Variants in PPFIA2 observed in about 807,000 individuals in gnomAD.
PPFIA2 encodes the protein liprin-alpha-2.
PPFIA2 carries 46 observed loss-of-function variants against 175.5 expected under a neutral mutation model. The observed-to-expected ratio is 0.26, with a 90% CI of 0.21 to 0.34. PPFIA2 has a LOEUF of 0.34. Ranked by LOEUF, PPFIA2 falls within the 10% of genes least tolerant of loss-of-function variation. PPFIA2 has a pLI of 1.00. For missense variants in PPFIA2, 1,179 were observed against 1,506.1 expected (o/e 0.78, Z 3.60); for synonymous variants, 568 against 511.4 (o/e 1.11, Z -1.49).
At chr12:81,557,592 G>A (rs1340291409) in intron 4 of PPFIA2, among the ~76,000 whole-genome samples, 1 of 151,996 alleles carries the variant, frequency 6.6e-6, no homozygotes, top group Non-Finnish European at 1.5e-5. Context: ...CATCATTAAA[G>A]CTATCAATTG....
chr12:81,590,777 A>G (rs1468281747), intron 4 of PPFIA2, among the ~76,000 whole-genome samples: 1 of 152,164 alleles, frequency 6.6e-6, no homozygotes, highest in Non-Finnish European at 1.5e-5. Context: ...TGCCTCCGCC[A>G]TGACTGTAAG....
chr12:81,627,565 C>T (rs1158566116), intron 4 of PPFIA2, among the ~76,000 whole-genome samples: 1 of 152,084 alleles, frequency 6.6e-6, no homozygotes, highest in Non-Finnish European at 1.5e-5. Context: ...TGGGATATAT[C>T]TATTACATAA....
chr12:81,653,089 G>T (rs1207999553), intron 4 of PPFIA2, among the ~76,000 whole-genome samples: 1 of 152,046 alleles, frequency 6.6e-6, no homozygotes, highest in Non-Finnish European at 1.5e-5. Flanking sequence ...CTGAACTCCT[G>T]TATTAGCCTA....
At chr12:81,598,309 A>C (rs1171282216) in intron 4 of PPFIA2, 3 of 1,179,752 alleles carry the variant, frequency 2.5e-6, no homozygotes, top group Non-Finnish European at 3.2e-6. Flanking sequence ...AAAAAGCAAG[A>C]ACCAACGATA....
intron 3 of PPFIA2, among the ~76,000 whole-genome samples, chr12:81,736,762 T>A (rs577282650): frequency 1.3e-5 from 2 of 152,188 alleles, no homozygotes; most frequent in African/African-American, 4.8e-5. Context: ...TCTTTGTTTT[T>A]TAGACAAAGT....
intron 4 of PPFIA2, among the ~76,000 whole-genome samples, chr12:81,566,530 CAAAA>C (rs3075452): frequency 5.8e-5 from 4 of 68,456 alleles, no homozygotes; most frequent in Admixed American, 4.0e-4. Context: ...GACTCCAACT[CAAAA>C]AAAAAAAAAA....
intron 4 of PPFIA2, among the ~76,000 whole-genome samples, chr12:81,504,474 C>A (rs1210118297): frequency 6.6e-6 from 1 of 152,032 alleles, no homozygotes; most frequent in Non-Finnish European, 1.5e-5. Context: ...GAATGGCGAT[C>A]ATTAAAAAGT....
At chr12:81,611,900 T>C (rs962674543) in intron 4 of PPFIA2, among the ~76,000 whole-genome samples, 10 of 151,920 alleles carry the variant, frequency 6.6e-5, no homozygotes, top group Non-Finnish European at 1.3e-4. Flanking sequence ...TTCCCAGAGG[T>C]CCATGGGGAG....
intron 24 of PPFIA2, among the ~76,000 whole-genome samples, chr12:81,291,611 A>T (rs573649356): frequency 2.0e-5 from 3 of 152,110 alleles, no homozygotes; most frequent in African/African-American, 7.2e-5. Context: ...GTTGATGGAA[A>T]CCTGATGCTA....
chr12:81,401,106 T>C (rs17736993), intron 8 of PPFIA2, among the ~76,000 whole-genome samples: 13,133 of 152,150 alleles, frequency 0.086, 820 homozygotes, highest in Middle Eastern at 0.16. Context: ...CCCTTGATCA[T>C]ATCTATGCCC....
At chr12:81,640,868 GT>G (rs893628655) in intron 4 of PPFIA2, among the ~76,000 whole-genome samples, 21 of 150,594 alleles carry the variant, frequency 1.4e-4, no homozygotes, top group African/African-American at 4.4e-4. Flanking sequence ...ATCATTTACA[GT>G]TTTTTTTTGC....
chr12:81,473,593 G>A (rs994040042), intron 4 of PPFIA2, among the ~76,000 whole-genome samples: 8 of 152,100 alleles, frequency 5.3e-5, no homozygotes, highest in East Asian at 3.9e-4. Context: ...TGAAGCAGCC[G>A]CATAATATTC....
chr12:81,532,382 C>T (rs2064706503), intron 4 of PPFIA2, among the ~76,000 whole-genome samples: 1 of 151,680 alleles, frequency 6.6e-6, no homozygotes, highest in Admixed American at 6.6e-5. Context: ...ACTATCAGAG[C>T]AGCTCAGCTC....
At chr12:81,291,715 A>G (rs2045070768) in intron 24 of PPFIA2, among the ~76,000 whole-genome samples, 1 of 152,022 alleles carries the variant, frequency 6.6e-6, no homozygotes, top group African/African-American at 2.4e-5. Context: ...GAAGGAAACC[A>G]AACCCAGGCT....
At chr12:81,569,006 A>G (rs1423304759) in intron 4 of PPFIA2, among the ~76,000 whole-genome samples, 1 of 152,172 alleles carries the variant, frequency 6.6e-6, no homozygotes, top group Non-Finnish European at 1.5e-5. Context: ...AATATATTAG[A>G]TATTGTTCTA....
chr12:81,588,600 A>G (rs1882530), intron 4 of PPFIA2, among the ~76,000 whole-genome samples: 14,329 of 152,050 alleles, frequency 0.094, 849 homozygotes, highest in South Asian at 0.16. Flanking sequence ...CTCCTTCTCC[A>G]TATTCATCTC....
chr12:81,559,765 T>C (rs116868155), intron 4 of PPFIA2, among the ~76,000 whole-genome samples: 14,299 of 151,900 alleles, frequency 0.094, 939 homozygotes, highest in Middle Eastern at 0.13. Context: ...ACATTTCATT[T>C]ATTTTTCTTA....
intron 22 of PPFIA2, among the ~76,000 whole-genome samples, chr12:81,321,634 C>T (rs2139623671): frequency 6.6e-6 from 1 of 151,846 alleles, no homozygotes; most frequent in South Asian, 2.1e-4. Context: ...TTTTTCCCCA[C>T]TATTTACCTA....
Position 81,384,115 on chromosome 12 carries a change from C to T in PPFIA2, c.892G>A (p.Val298Met), listed in dbSNP as rs2038388760. 3.1e-6 allele frequency: 5 copies of T among 1,613,254 alleles called. No individual in the cohort carries two copies. The highest frequency in any genetic ancestry group is 4.2e-6 in the Non-Finnish European group (5 of 1,179,522). ...KERLAALSSR[V>M]GEVEQEAETA... ...TCTGCTTCCTGTTCCACCTCTCCCACTCGGGAAGAAAGGGCTGCTAAACGT... is the reference window on the plus strand; with the variant it reads ...TCTGCTTCCTGTTCCACCTCTCCCATTCGGGAAGAAAGGGCTGCTAAACGT... The change falls in exon 9 of 33, where the codon GTG (valine) becomes ATG (methionine). Residue 298 changes from valine to methionine, a missense_variant. Around this residue, in one of 10 missense-constraint regions of PPFIA2, gnomAD observed 226 missense variants for 216.6 expected, o/e 1.04. Coordinates refer to ENST00000549396, the MANE Select transcript of PPFIA2 (RefSeq NM_003625.5).
Sources: gnomAD v4.1 joint callset for allele counts (sites outside exome capture counted in the v4.1 genomes callset) on GRCh38, gnomAD v4.1.1 for gene constraint, gnomAD v4.1.1 regional missense constraint, MANE v1.5 for transcripts, NCBI Gene and HGNC (gene_info 2026-07-23, HGNC 2026-07-21) for gene names.